Variants in GCNT4 observed in about 807,000 individuals in gnomAD.
GCNT4 encodes the protein beta-1,3-galactosyl-O-glycosyl-glycoprotein beta-1,6-N-acetylglucosaminyltransferase 4.
A neutral mutation model predicts 31.3 loss-of-function variants in GCNT4; 17 were observed. That is an observed-to-expected ratio of 0.54 (90% confidence interval 0.37 to 0.81). The LOEUF (loss-of-function observed/expected upper bound fraction) is 0.81. Ranked by LOEUF, GCNT4 falls within the 40% of genes least tolerant of loss-of-function variation. GCNT4 has a pLI of 0.00. For missense variants in GCNT4, 503 were observed against 525.5 expected (o/e 0.96, Z 0.42); for synonymous variants, 158 against 190.6 (o/e 0.83, Z 1.41).
intron 3 of GCNT4, among the ~76,000 whole-genome samples, chr5:75,032,776 GAC>G (rs1743093186): frequency 6.6e-6 from 1 of 152,068 alleles, no homozygotes; most frequent in Admixed American, 6.6e-5. Flanking sequence ...TCCCTTGCCT[GAC>G]ACACAAGGCA....
At chr5:75,051,140 G>T (rs931157786) in intron 2 of GCNT4, among the ~76,000 whole-genome samples, 2 of 152,016 alleles carry the variant, frequency 1.3e-5, no homozygotes, top group Admixed American at 6.6e-5. Flanking sequence ...CATTCCCGGG[G>T]ATGGGAATAC....
chr5:75,052,981 G>C (rs1319595666), upstream of GCNT4: 1 of 152,152 alleles, frequency 6.6e-6, no homozygotes, highest in Non-Finnish European at 1.5e-5. Flanking sequence ...TTGGCACTTG[G>C]GGAGAGTCCC....
intron 2 of GCNT4, among the ~76,000 whole-genome samples, chr5:75,049,591 C>T (rs1428488220): frequency 6.6e-6 from 1 of 152,172 alleles, no homozygotes; most frequent in Non-Finnish European, 1.5e-5. Flanking sequence ...AAATGACATG[C>T]AAAGTAATGC....
rs1032732804 is a variant in GCNT4, at chr5:75,052,542, C to T, written c.-315G>A. 1 of 152,248 alleles carries T rather than the reference C, an allele frequency of 6.6e-6. No homozygotes were observed. The highest frequency in any genetic ancestry group is 1.5e-5 in the Non-Finnish European group (1 of 68,052). The allele number at this position is 152,248 out of a possible 1,614,324, so 9.4% of individuals were successfully genotyped here. On this transcript the variant is annotated 5_prime_UTR_variant, in exon 1 of 4. Transcript: ENST00000652361. ...TAGGCACCGCCACCTCGCAGGCAGA[C>T]GATCCCGGCCCGCTCTGCGGCACAA...
At chr5:75,040,913 G>C (rs2149968359) in intron 3 of GCNT4, among the ~76,000 whole-genome samples, 1 of 149,408 alleles carries the variant, frequency 6.7e-6, no homozygotes, top group South Asian at 2.1e-4. Context: ...TGGATTTTGA[G>C]AGACAGGAAG....
At chr5:75,039,418 C>T (rs1743270622) in intron 3 of GCNT4, among the ~76,000 whole-genome samples, 2 of 152,168 alleles carry the variant, frequency 1.3e-5, no homozygotes, top group African/African-American at 4.8e-5. Context: ...CCTTATACTC[C>T]ATTCAATTAT....
At chr5:75,039,343 C>T (rs1030759562) in intron 3 of GCNT4, among the ~76,000 whole-genome samples, 1 of 152,164 alleles carries the variant, frequency 6.6e-6, no homozygotes, top group Non-Finnish European at 1.5e-5. Context: ...ATCCACTTGC[C>T]TCGGCCTCCC....
rs1275410335 is a variant in GCNT4 at position 75,047,973 on chromosome 5, T to C, written c.-78A>G. ...GGAAAGGAACATCACCGTCAGTTACTGAGGAGGTGCTACAGATGGCTGTAC... is the reference window on the plus strand; with the variant it reads ...GGAAAGGAACATCACCGTCAGTTACCGAGGAGGTGCTACAGATGGCTGTAC... On this transcript the variant is annotated 5_prime_UTR_variant, in exon 3 of 4. Coordinates refer to ENST00000652361, the MANE Select transcript of GCNT4 (RefSeq NM_001366737.1). 6.6e-6 allele frequency: 1 copy of C among 152,152 alleles called. No individual in the cohort carries two copies. The highest frequency in any genetic ancestry group is 1.5e-5 in the Non-Finnish European group (1 of 68,014). The allele number at this position is 152,152 out of a possible 1,614,324, so 9.4% of individuals were successfully genotyped here.
intron 3 of GCNT4, chr5:75,031,044 C>G (rs1204623522): frequency 1.3e-5 from 2 of 159,400 alleles, no homozygotes; most frequent in Non-Finnish European, 2.9e-5. Flanking sequence ...CATGTCTATA[C>G]ATACAAAGAA....
downstream of GCNT4, among the ~76,000 whole-genome samples, chr5:75,021,626 T>G (rs1324280369): frequency 6.6e-6 from 1 of 152,246 alleles, no homozygotes; most frequent in African/African-American, 2.4e-5. Context: ...TACCAGTTAA[T>G]TATTTGTTTC....
chr5:75,022,859 T>C (rs1167643122), downstream of GCNT4, among the ~76,000 whole-genome samples: 1 of 152,234 alleles, frequency 6.6e-6, no homozygotes, highest in African/African-American at 2.4e-5. Context: ...TTTAAAATGG[T>C]TGCTGAAATT....
chr5:75,031,453 G>A (rs990864735), intron 3 of GCNT4, among the ~76,000 whole-genome samples: 24 of 152,250 alleles, frequency 1.6e-4, no homozygotes, highest in East Asian at 1.4e-3. Flanking sequence ...ACTCAATTCC[G>A]CCCGTTATGG....
At chr5:75,017,159 G>T in the GCNT4 span, among the ~76,000 whole-genome samples, 1 of 152,192 alleles carries the variant, frequency 6.6e-6, no homozygotes, top group Non-Finnish European at 1.5e-5. Flanking sequence ...CTGATTGTGT[G>T]CTGAACTGCA....
At chr5:75,045,728 A>G (rs1437309082) in intron 3 of GCNT4, among the ~76,000 whole-genome samples, 1 of 152,166 alleles carries the variant, frequency 6.6e-6, no homozygotes, top group Non-Finnish European at 1.5e-5. Context: ...TGTGCCTACC[A>G]TGTGCTAGGG....
the GCNT4 span, among the ~76,000 whole-genome samples, chr5:75,019,468 C>T: frequency 3.9e-5 from 6 of 152,198 alleles, no homozygotes; most frequent in East Asian, 3.9e-4. Context: ...CCAGGACCAG[C>T]GCAAAAAGCA....
intron 3 of GCNT4, among the ~76,000 whole-genome samples, chr5:75,031,555 C>T (rs898333737): frequency 1.3e-5 from 2 of 152,194 alleles, no homozygotes; most frequent in African/African-American, 4.8e-5. Context: ...TGGCTGGATT[C>T]AGCCCACAGC....
chr5:75,039,808 T>C (rs559327133), intron 3 of GCNT4, among the ~76,000 whole-genome samples: 1 of 152,332 alleles, frequency 6.6e-6, no homozygotes, highest in African/African-American at 2.4e-5. Context: ...CCATTCTCTG[T>C]ACTGTAGCCA....
rs190874666 is a variant in GCNT4 at position 75,047,292 on chromosome 5, C to T, written c.-2+605G>A. On this transcript the variant is annotated intron_variant, in intron 3 of 3. Transcript: ENST00000652361. ...AGGTAAATTTTTGCCTTCCCTACAA[C>T]AGAGATTTACTTGAGACTACAAAGA... 3.9e-5 allele frequency among the ~76,000 whole-genome samples: 6 copies of T among 152,318 alleles called. No individual in the cohort carries two copies. In the East Asian group the frequency reaches 7.7e-4, roughly 20 times the overall value.
chr5:75,035,184 C>T (rs59323918), intron 3 of GCNT4, among the ~76,000 whole-genome samples: 4,458 of 151,976 alleles, frequency 0.029, 183 homozygotes, highest in African/African-American at 0.089. Flanking sequence ...AGGGACACCC[C>T]AGCTAGGTAG....
Sources: gnomAD v4.1 joint callset for allele counts (sites outside exome capture counted in the v4.1 genomes callset) on GRCh38, gnomAD v4.1.1 for gene constraint, MANE v1.5 for transcripts, NCBI Gene and HGNC (gene_info 2026-07-23, HGNC 2026-07-21) for gene names.